Variants in SNX31 observed in about 807,000 individuals in gnomAD.
SNX31 encodes the protein sorting nexin 31.
SNX31 carries 58 observed loss-of-function variants against 65.4 expected under a neutral mutation model. That is an observed-to-expected ratio of 0.89 (90% CI 0.72 to 1.10). The LOEUF (loss-of-function observed/expected upper bound fraction) is 1.10. SNX31 is among the 50% of genes least tolerant of loss of function. SNX31 has a pLI of 0.00. For synonymous variants in SNX31, 181 were observed against 190.1 expected (o/e 0.95, Z 0.39); for missense variants, 523 against 529.7 (o/e 0.99, Z 0.12).
At chr8:100,596,986 G>C in intron 9 of SNX31, 144 bp from the exon 10 acceptor site, 1 of 693,518 alleles carries the variant, frequency 1.4e-6, no homozygotes, top group Non-Finnish European at 2.5e-6. Flanking sequence ...TCCTTTTCTT[G>C]ATCCTACACA....
At chr8:100,659,125 C>T (rs141137338) in intron 1 of SNX31, among the ~76,000 whole-genome samples, 1 of 152,004 alleles carries the variant, frequency 6.6e-6, no homozygotes, top group Non-Finnish European at 1.5e-5. Flanking sequence ...GTGGGTGAAT[C>T]ACCTGAGGTC....
chr8:100,635,554 TA>T (rs58496992), intron 3 of SNX31, among the ~76,000 whole-genome samples: 19,866 of 134,074 alleles, frequency 0.15, 1,858 homozygotes, highest in African/African-American at 0.29. Flanking sequence ...CTTCATCTCT[TA>T]AAAAAAAAAA....
At chr8:100,623,670 C>G (rs6993363) in intron 4 of SNX31, among the ~76,000 whole-genome samples, 2,461 of 152,282 alleles carry the variant, frequency 0.016, 67 homozygotes, top group African/African-American at 0.056. Flanking sequence ...CCTTCCTCCA[C>G]CTGATCCCAG....
chr8:100,641,696 C>A (rs1819251517), intron 2 of SNX31, among the ~76,000 whole-genome samples: 1 of 124,708 alleles, frequency 8.0e-6, no homozygotes, highest in African/African-American at 3.2e-5. Context: ...AGTTTGCAAT[C>A]TCTCATCTAA....
chr8:100,590,252 T>C (rs1336939758), intron 10 of SNX31, among the ~76,000 whole-genome samples: 1 of 152,166 alleles, frequency 6.6e-6, no homozygotes, highest in Non-Finnish European at 1.5e-5. Context: ...AAGATATTTT[T>C]CCCCCTAGGG....
In SNX31 at chr8:100,660,936, C is replaced by T. The variant is rs1166537937; in HGVS notation, c.-58+2206G>A. On this transcript the variant is annotated intron_variant, in intron 1 of 5. Transcript: ENST00000520352. This position sits in a 1 kb window ranked among gnomAD's most constrained non-coding sequence, Gnocchi z 4.1. Reference sequence around the variant, plus strand: ...CCCTTTATATTTTCCTCATGCCATACAGTTTTTAGGAGCATTCTGATGAAC... The same window carrying T: ...CCCTTTATATTTTCCTCATGCCATATAGTTTTTAGGAGCATTCTGATGAAC... 1.3e-5 allele frequency among the ~76,000 whole-genome samples: 2 copies of T among 151,962 alleles called. No homozygotes were observed. The highest frequency in any genetic ancestry group is 3.9e-4 in the East Asian group (2 of 5,188).
At chr8:100,628,170 G>A (rs139191195) in intron 4 of SNX31, among the ~76,000 whole-genome samples, 1 of 152,090 alleles carries the variant, frequency 6.6e-6, no homozygotes, top group Non-Finnish European at 1.5e-5. Context: ...ACCATTGTGG[G>A]AGTCAGTGTG....
At position 100,630,241 on chromosome 8, in the gene SNX31, C is replaced by A. The variant is rs1201386480; in HGVS notation, c.321+86G>T. Reference sequence around the variant, plus strand: ...AGGCTCTGTGGGGCTGTGACCAGTGCACACATGTGTGTGTACCTGCACACT... The same window carrying A: ...AGGCTCTGTGGGGCTGTGACCAGTGAACACATGTGTGTGTACCTGCACACT... On this transcript the variant is annotated intron_variant, in intron 4 of 13. Coordinates refer to ENST00000311812, the MANE Select transcript of SNX31 (RefSeq NM_152628.4). This position sits in a 1 kb window ranked among gnomAD's most constrained non-coding sequence, Gnocchi z 5.3. 8.7e-6 allele frequency: 11 copies of A among 1,257,566 alleles called. No individual in the cohort carries two copies. The highest frequency in any genetic ancestry group is 2.4e-5 in the East Asian group (1 of 42,238). 77.9% of individuals were successfully genotyped at this position (1,257,566 alleles called of 1,614,324 possible). A position where few individuals can be genotyped will look rare whatever the true frequency, so the allele number is the denominator to read the frequency against.
intron 1 of SNX31, among the ~76,000 whole-genome samples, chr8:100,656,538 G>T (rs1033096536): frequency 6.7e-6 from 1 of 148,970 alleles, no homozygotes; most frequent in African/African-American, 2.5e-5. Flanking sequence ...CTACTCGGGA[G>T]GCCAAGGCGG....
At chr8:100,620,136 T>C (rs1586980434) in intron 4 of SNX31, 2 of 152,312 alleles carry the variant, frequency 1.3e-5, no homozygotes, top group South Asian at 2.1e-4. Flanking sequence ...TGGGGTACAA[T>C]TGATCGCATC....
At chr8:100,617,519 A>G in intron 5 of SNX31, 101 bp downstream of exon 5, 1 of 772,586 alleles carries the variant, frequency 1.3e-6, no homozygotes. Flanking sequence ...GTAAAACAAC[A>G]GGCCAGAAGC....
intron 11 of SNX31, among the ~76,000 whole-genome samples, chr8:100,586,987 T>C (rs1202269093): frequency 6.6e-6 from 1 of 152,212 alleles, no homozygotes; most frequent in Non-Finnish European, 1.5e-5. Context: ...TCCACTCCAA[T>C]TTTAGTTAAA....
At chr8:100,589,501 G>A (rs538776831) in intron 10 of SNX31, among the ~76,000 whole-genome samples, 46 of 152,334 alleles carry the variant, frequency 3.0e-4, no homozygotes, top group Non-Finnish European at 5.3e-4. Context: ...CCCAGGCTAG[G>A]AGGGCAAAGG....
chr8:100,581,329 C>CTATATATATATATA (rs1491502174), intron 12 of SNX31, among the ~76,000 whole-genome samples: 8 of 80,166 alleles, frequency 1.0e-4, no homozygotes, highest in East Asian at 4.5e-4. Context: ...CTATATCTAT[C>CTATATATATATATA]TATCTATCTA....
intron 13 of SNX31, among the ~76,000 whole-genome samples, chr8:100,574,405 G>A (rs1220803132): frequency 2.0e-5 from 3 of 152,178 alleles, no homozygotes; most frequent in Non-Finnish European, 4.4e-5. Flanking sequence ...AGGCCAAGGC[G>A]GGCAGATCAC....
At chr8:100,636,365 C>T (rs577246120) in intron 2 of SNX31, among the ~76,000 whole-genome samples, 47 of 152,282 alleles carry the variant, frequency 3.1e-4, no homozygotes, top group African/African-American at 8.7e-4. Flanking sequence ...TCAATTACAA[C>T]GGGAATTAAA....
chr8:100,641,759 A>T, intron 2 of SNX31, among the ~76,000 whole-genome samples: 1 of 143,434 alleles, frequency 7.0e-6, no homozygotes, highest in South Asian at 2.2e-4. Context: ...CCTGTGGCCC[A>T]GGCTAGAGTA....
At chr8:100,579,162 C>T (rs1813295103) in intron 12 of SNX31, among the ~76,000 whole-genome samples, 1 of 152,162 alleles carries the variant, frequency 6.6e-6, no homozygotes, top group African/African-American at 2.4e-5. Context: ...CCATGAAATA[C>T]AGAGCTTGGA....
At chr8:100,645,951 T>C (rs187940862) in intron 2 of SNX31, among the ~76,000 whole-genome samples, 1 of 152,286 alleles carries the variant, frequency 6.6e-6, no homozygotes, top group Admixed American at 6.5e-5. Context: ...TGATGATGAT[T>C]GAACTGCTGA....
Sources: allele counts gnomAD v4.1 joint callset (sites outside exome capture counted in the v4.1 genomes callset), GRCh38; gene constraint gnomAD v4.1.1; non-coding constraint Gnocchi (gnomAD v3.1); transcripts MANE v1.5; gene names NCBI Gene and HGNC (gene_info 2026-07-23, HGNC 2026-07-21).